OXSR1: variants seen among roughly 807,000 people sequenced by gnomAD.
OXSR1 encodes the protein oxidative stress responsive kinase 1, also known as serine/threonine-protein kinase OSR1.
A neutral mutation model predicts 79.8 loss-of-function variants in OXSR1; 24 were observed. That is an observed-to-expected ratio of 0.30 (90% CI 0.22 to 0.42). The LOEUF is 0.42. Ranked by LOEUF, OXSR1 falls within the 10% of genes least tolerant of loss-of-function variation. The probability of loss-of-function intolerance (pLI) is 1.00; values close to 1 mark genes in which losing one functional copy is unlikely to be tolerated. For missense variants in OXSR1, 430 were observed against 618.4 expected (o/e 0.70, Z 3.23); for synonymous variants, 226 against 209.2 (o/e 1.08, Z -0.69).
chr3:38,244,598 T>A (rs1438846873), intron 12 of OXSR1, among the ~76,000 whole-genome samples: 1 of 151,672 alleles, frequency 6.6e-6, no homozygotes, highest in Non-Finnish European at 1.5e-5. Context: ...GTAGCATATG[T>A]CAGAATGTCC....
chr3:38,207,239 G>A (rs1702283619), intron 4 of OXSR1, among the ~76,000 whole-genome samples: 1 of 152,210 alleles, frequency 6.6e-6, no homozygotes, highest in Non-Finnish European at 1.5e-5. Context: ...TCAGTTTGTG[G>A]ACTGTAGTTT....
chr3:38,192,932 GT>G (rs1475471736), intron 3 of OXSR1, among the ~76,000 whole-genome samples: 1 of 152,154 alleles, frequency 6.6e-6, no homozygotes, highest in African/African-American at 2.4e-5. Context: ...CATTTGTTTA[GT>G]TTGCAGTTTT....
chr3:38,189,856 TC>T (rs1701950957), intron 2 of OXSR1, among the ~76,000 whole-genome samples: 1 of 152,202 alleles, frequency 6.6e-6, no homozygotes. Flanking sequence ...GTACTTGCCT[TC>T]ATGGAGCTCT....
rs567859309 is a variant in OXSR1 at position 38,205,008 on chromosome 3, A to G, written c.434+6145A>G. Among the ~76,000 whole-genome samples, 6 of 152,286 alleles carry G rather than the reference A, an allele frequency of 3.9e-5. No homozygotes were observed. The East Asian group carries it at 5.8e-4, about 15-fold the overall frequency. ...CAGGTTCTGACTGCTGAGATGGGCA[A>G]TTCCCCCTGGCTAGAGCTGGTCTAA... On this transcript the variant is annotated intron_variant, in intron 4 of 17. Transcript: ENST00000311806.
chr3:38,222,010 A>T (rs1394418383), intron 6 of OXSR1, among the ~76,000 whole-genome samples: 5 of 152,208 alleles, frequency 3.3e-5, no homozygotes, highest in African/African-American at 9.7e-5. Flanking sequence ...CTAAGCCTCC[A>T]TATAGTTATT....
At position 38,180,349 on chromosome 3, in the gene OXSR1, C is replaced by T. The variant is rs576179825; in HGVS notation, c.71-2654C>T. On this transcript the variant is annotated intron_variant, in intron 1 of 17. Coordinates refer to ENST00000311806, the MANE Select transcript of OXSR1 (RefSeq NM_005109.3). ...TTCTCCCTCTTCAGACCCTGGTAAC[C>T]ACTAATCTACTTTCTGCTTCAATGG... Among the ~76,000 whole-genome samples the T allele has an allele frequency of 3.4e-4, 51 of 152,184 alleles. 1 individual carries two copies. The highest frequency in any genetic ancestry group is 1.2e-3 in the South Asian group (6 of 4,814).
At chr3:38,248,384 T>TGGATTCAAA (rs909122905) in intron 14 of OXSR1, among the ~76,000 whole-genome samples, 5 of 124,100 alleles carry the variant, frequency 4.0e-5, no homozygotes, top group African/African-American at 1.5e-4. Flanking sequence ...ATTCCAGAGC[T>TGGATTCAAA]TTCTTGTCAG....
chr3:38,165,688 C>T lies in OXSR1; in HGVS notation c.-189C>T. 1.8e-6 allele frequency: 1 copy of T among 548,508 alleles called. No individual in the cohort carries two copies. Among genetic ancestry groups the T allele is most frequent in the South Asian group, 2.2e-5 (1 of 44,572 alleles). 34.0% of individuals were successfully genotyped at this position (548,508 alleles called of 1,614,324 possible). The stretch of plus-strand genomic sequence containing the variant: ...GAGCAGGAGGCGAGGTCCGCCGGAG[C>T]TCTGAGCCCCCGCTGCTCTGCCGCG... On this transcript the variant is annotated 5_prime_UTR_variant, in exon 1 of 18. Transcript: ENST00000311806.
At chr3:38,252,175 C>T (rs1703271163) in intron 16 of OXSR1, among the ~76,000 whole-genome samples, 153 bp from the exon 17 acceptor site, 1 of 152,198 alleles carries the variant, frequency 6.6e-6, no homozygotes, top group South Asian at 2.1e-4. Flanking sequence ...GTTTAAAAGA[C>T]ACTTTCATTA....
At chr3:38,224,543 G>T (rs1702652646) in intron 7 of OXSR1, 28 bp from the exon 8 acceptor site, 16 of 1,564,824 alleles carry the variant, frequency 1.0e-5, no homozygotes, top group East Asian at 4.7e-5. Flanking sequence ...GTCATCACAA[G>T]TTTATAGTAT....
chr3:38,232,097 ACT>A (rs1331118785), intron 10 of OXSR1, among the ~76,000 whole-genome samples: 1 of 151,188 alleles, frequency 6.6e-6, no homozygotes, highest in African/African-American at 2.4e-5. Flanking sequence ...ACAGAGCAAG[ACT>A]CTGTCTCAAA....
chr3:38,252,778 T>G (rs946319411), intron 17 of OXSR1, 39 bp from the exon 18 acceptor site: 4 of 1,542,462 alleles, frequency 2.6e-6, no homozygotes, highest in Non-Finnish European at 3.6e-6. Flanking sequence ...CAAGTTTGTT[T>G]ATAAATAATC....
chr3:38,194,538 TA>T (rs1293249049), intron 3 of OXSR1, among the ~76,000 whole-genome samples: 3 of 151,238 alleles, frequency 2.0e-5, no homozygotes, highest in East Asian at 1.9e-4. Flanking sequence ...ACTCTGTCTC[TA>T]AAAAAAAATT....
At chr3:38,235,682 G>A (rs1702904513) in intron 10 of OXSR1, among the ~76,000 whole-genome samples, 2 of 152,304 alleles carry the variant, frequency 1.3e-5, no homozygotes, top group South Asian at 4.1e-4. Flanking sequence ...ACAGGATCAG[G>A]AGTCATGATG....
chr3:38,240,203 A>G (rs1200624477), intron 11 of OXSR1, among the ~76,000 whole-genome samples: 2 of 152,200 alleles, frequency 1.3e-5, no homozygotes, highest in Non-Finnish European at 2.9e-5. Context: ...AAGAAAACTT[A>G]AGACAAACCT....
At chr3:38,176,678 A>G (rs1252513556) in intron 1 of OXSR1, among the ~76,000 whole-genome samples, 1 of 152,254 alleles carries the variant, frequency 6.6e-6, no homozygotes, top group Non-Finnish European at 1.5e-5. Flanking sequence ...TCATTTGACC[A>G]TTTGTTAAAT....
At position 38,165,935 on chromosome 3, in the gene OXSR1, A is replaced by T. The variant is rs1302847738; in HGVS notation, c.59A>T (p.Gln20Leu). 6.2e-7 allele frequency: 1 copy of T among 1,610,956 alleles called. No homozygotes were observed. Among genetic ancestry groups the T allele is most frequent in the Non-Finnish European group, 8.5e-7 (1 of 1,179,428 alleles). ...ATCAACAGGGACGATTACGAGCTGC[A>T]GGAGGTGATCGGTGAGAGCAGGCGC... ...WSINRDDYEL[Q>L]EVIGSGATAV... Residue 20 changes from glutamine to leucine, a missense_variant, in exon 1 of 18, where the codon CAG becomes CTG. By Grantham distance (113) the Gln-to-Leu change is moderately radical. Coordinates refer to ENST00000311806, the MANE Select transcript of OXSR1 (RefSeq NM_005109.3).
In OXSR1 at chr3:38,193,613, C is replaced by CTT. The variant is rs35335075; in HGVS notation, c.292+2791_292+2792dup. ...TTTCTGCTACTCCTAAGCAGAACGA[C>CTT]TTTTTTTTTTTTTTTTTTAAGAATT... On this transcript the variant is annotated intron_variant, in intron 3 of 17. Coordinates refer to ENST00000311806, the MANE Select transcript of OXSR1 (RefSeq NM_005109.3). Among the ~76,000 whole-genome samples, 50 of 131,538 alleles carry CTT rather than the reference C, an allele frequency of 3.8e-4. 1 individual carries two copies. Among genetic ancestry groups the CTT allele is most frequent in the African/African-American group, 9.5e-4 (34 of 35,758 alleles). The allele number at this position is 131,538 out of a possible 152,430, so 86.3% of individuals were successfully genotyped here.
intron 11 of OXSR1, among the ~76,000 whole-genome samples, chr3:38,239,857 G>A (rs569206237): frequency 6.6e-6 from 1 of 152,218 alleles, no homozygotes; most frequent in South Asian, 2.1e-4. Context: ...CCACCTCCCT[G>A]TGCCACAGCT....
Sources: gnomAD v4.1 joint callset for allele counts (sites outside exome capture counted in the v4.1 genomes callset) on GRCh38, gnomAD v4.1.1 for gene constraint, MANE v1.5 for transcripts, NCBI Gene and HGNC (gene_info 2026-07-23, HGNC 2026-07-21) for gene names.